Variants in ZC3H10 observed in about 807,000 individuals in gnomAD.
ZC3H10 encodes the protein zinc finger CCCH-type containing 10.
A neutral mutation model predicts 24.3 loss-of-function variants in ZC3H10; 12 were observed. The ratio of observed to expected loss-of-function variants is 0.49; its 90% CI spans 0.32 to 0.80. The LOEUF (loss-of-function observed/expected upper bound fraction) is 0.80, where lower values mean the gene tolerates loss of function less well. ZC3H10 is among the 30% of genes least tolerant of loss of function. The probability of loss-of-function intolerance (pLI) is 0.04; values close to 1 mark genes in which losing one functional copy is unlikely to be tolerated. For missense variants in ZC3H10, 360 were observed against 576.3 expected (o/e 0.62, Z 3.84); for synonymous variants, 226 against 217.0 (o/e 1.04, Z -0.36).
In ZC3H10 at chr12:56,121,736, G is replaced by T; in HGVS notation, c.1174G>T (p.Ala392Ser). The T allele has an allele frequency of 6.2e-7, 1 of 1,614,120 alleles. No individual in the cohort carries two copies. Among genetic ancestry groups the T allele is most frequent in the Non-Finnish European group, 8.5e-7 (1 of 1,180,008 alleles). ...CATGGCTCCTGTGGCTGTATCTGTG[G>T]CTCCTGTGGCCCCTGTGGCTGTATC... The part of the protein sequence containing the change: ...VSMAPVAVSV[A>S]PVAPVAVSMA... The change falls in exon 3 of 3, where the codon GCT (alanine) becomes TCT (serine). Residue 392 changes from alanine (A) to serine (S), a missense_variant. Coordinates refer to ENST00000257940, the MANE Select transcript of ZC3H10 (RefSeq NM_032786.3). This position sits in a 1 kb window ranked among gnomAD's most constrained non-coding sequence, Gnocchi z 6.2.
At chr12:56,118,968 T>C (rs2136853549) in intron 1 of ZC3H10, 120 bp from the exon 2 acceptor site, 1 of 152,818 alleles carries the variant, frequency 6.5e-6, no homozygotes, top group East Asian at 1.9e-4. Flanking sequence ...GTTTGAACCC[T>C]GAGGAAATCC....
rs1210434285 is a variant in ZC3H10, at chr12:56,126,616, T to A, written c.*4749T>A. On this transcript the variant is annotated 3_prime_UTR_variant, in exon 3 of 3. Transcript: ENST00000257940. The stretch of plus-strand genomic sequence containing the variant: ...TGCCTACTCCAGTGCTTGGCAAATT[T>A]CAGTTTATAGAGAGGTTTCTCTCTA... The A allele has an allele frequency of 6.6e-6, 1 of 152,142 alleles. No homozygotes were observed. Among genetic ancestry groups the A allele is most frequent in the African/African-American group, 2.4e-5 (1 of 41,408 alleles). 9.4% of individuals were successfully genotyped at this position (152,142 alleles called of 1,614,324 possible).
intron 2 of ZC3H10, 59 bp downstream of exon 2, chr12:56,119,210 G>A (rs1047047707): frequency 6.6e-6 from 1 of 152,614 alleles, no homozygotes; most frequent in East Asian, 1.9e-4. Context: ...TCTGCTGCTG[G>A]TGCGACTTGC....
At chr12:56,118,965 C>T (rs1869726027) in intron 1 of ZC3H10, 123 bp from the exon 2 acceptor site, 2 of 152,668 alleles carry the variant, frequency 1.3e-5, no homozygotes, top group African/African-American at 4.8e-5. Flanking sequence ...TCAGTTTGAA[C>T]CCTGAGGAAA....
intron 2 of ZC3H10, 170 bp from the exon 3 acceptor site, chr12:56,120,341 A>G (rs959532005): frequency 1.0e-6 from 1 of 985,316 alleles, no homozygotes; most frequent in African/African-American, 1.7e-5. Flanking sequence ...GACCAGGTGC[A>G]CAAAACCCTG....
rs1037608092 is a variant in ZC3H10, at chr12:56,126,630, G to C, written c.*4763G>C. 1.3e-5 allele frequency: 2 copies of C among 152,102 alleles called. No individual in the cohort carries two copies. Among genetic ancestry groups the C allele is most frequent in the African/African-American group, 4.8e-5 (2 of 41,386 alleles). 9.4% of individuals were successfully genotyped at this position (152,102 alleles called of 1,614,324 possible). A position where few individuals can be genotyped will look rare whatever the true frequency, so the allele number is the denominator to read the frequency against. ...CTTGGCAAATTTCAGTTTATAGAGA[G>C]GTTTCTCTCTAAGGTTCATCCATGT... On this transcript the variant is annotated 3_prime_UTR_variant, in exon 3 of 3. Transcript: ENST00000257940.
rs139617086 is a variant in ZC3H10, at chr12:56,121,445, C to G, written c.883C>G (p.Leu295Val). The G allele has an allele frequency of 6.2e-7, 1 of 1,610,654 alleles. No individual in the cohort carries two copies. The highest frequency in any genetic ancestry group is 8.5e-7 in the Non-Finnish European group (1 of 1,177,026). Residue 295 changes from leucine (L) to valine (V), a missense_variant, in exon 3 of 3, where the codon CTG becomes GTG. This residue lies in a region of ZC3H10 where 133 missense variants were observed against 256.7 expected (regional missense o/e 0.52). Coordinates refer to ENST00000257940, the MANE Select transcript of ZC3H10 (RefSeq NM_032786.3). The surrounding 1 kb of genome is among the most constrained non-coding windows in gnomAD (Gnocchi z 6.2). ...CACTGCACCAGCGACTGAGCAGACT[C>G]TGGCCCCCACTGTGGGCACTGTTGC... ...SSTAPATEQT[L>V]APTVGTVATF...
chr12:56,121,792 G>T lies in ZC3H10; in HGVS notation c.1230G>T (p.Met410Ile), dbSNP rs1372379404. Residue 410 changes from methionine to isoleucine, a missense_variant, in exon 3 of 3, where the codon ATG becomes ATT. Coordinates refer to ENST00000257940, the MANE Select transcript of ZC3H10 (RefSeq NM_032786.3). This position sits in a 1 kb window ranked among gnomAD's most constrained non-coding sequence, Gnocchi z 6.2. ...CCCAACCCTTGGCAGGAATCACAAT[G>T]AGCCACACCACCACTCCCATGGTGA... ...SMAQPLAGIT[M>I]SHTTTPMVTY... 1 of 1,614,162 alleles carries T rather than the reference G, an allele frequency of 6.2e-7. No individual in the cohort carries two copies. The highest frequency in any genetic ancestry group is 1.7e-5 in the Admixed American group (1 of 60,020).
intron 2 of ZC3H10, chr12:56,120,078 A>G (rs943099605): frequency 6.9e-5 from 24 of 345,390 alleles, no homozygotes; most frequent in Non-Finnish European, 9.0e-5. Flanking sequence ...GAGGAAAAGG[A>G]AAGGGGGTTA....
At chr12:56,119,782 G>C (rs773636989) in intron 2 of ZC3H10, 10 of 152,158 alleles carry the variant, frequency 6.6e-5, no homozygotes, top group African/African-American at 2.2e-4. Flanking sequence ...GAGTAGGAAG[G>C]GGGTGGGGAA....
intron 2 of ZC3H10, chr12:56,120,211 C>T: frequency 9.5e-7 from 1 of 1,056,556 alleles, no homozygotes; most frequent in Non-Finnish European, 1.1e-6. Flanking sequence ...AATTTCACTT[C>T]CACAACTTTA....
In ZC3H10 at chr12:56,121,808, C is replaced by A; in HGVS notation, c.1246C>A (p.Pro416Thr). ...AATCACAATGAGCCACACCACCACT[C>A]CCATGGTGACTTACCCTATCGCTTC... ...AGITMSHTTT[P>T]MVTYPIASQS... Residue 416 changes from proline to threonine, a missense_variant, in exon 3 of 3, where the codon CCC (proline) becomes ACC (threonine). Coordinates refer to ENST00000257940, the MANE Select transcript of ZC3H10 (RefSeq NM_032786.3). This position sits in a 1 kb window ranked among gnomAD's most constrained non-coding sequence, Gnocchi z 6.2. 6.2e-7 allele frequency: 1 copy of A among 1,614,142 alleles called. No homozygotes were observed. Among genetic ancestry groups the A allele is most frequent in the Non-Finnish European group, 8.5e-7 (1 of 1,180,000 alleles).
In ZC3H10 at chr12:56,126,236, T is replaced by C. The variant is rs2136862419; in HGVS notation, c.*4369T>C. 1 of 152,312 alleles carries C rather than the reference T, an allele frequency of 6.6e-6. No homozygotes were observed. The highest frequency in any genetic ancestry group is 1.9e-4 in the East Asian group (1 of 5,180). The allele number at this position is 152,312 out of a possible 1,614,324, so 9.4% of individuals were successfully genotyped here. On this transcript the variant is annotated 3_prime_UTR_variant, in exon 3 of 3. Transcript: ENST00000257940. Reference sequence around the variant, plus strand: ...TTATGGTTTACATATAAATGCAGATTGCAAGTCCAGGAAGTTTACTCTCTC... The same window carrying C: ...TTATGGTTTACATATAAATGCAGATCGCAAGTCCAGGAAGTTTACTCTCTC...
Position 56,121,192 on chromosome 12 carries a change from G to T in ZC3H10, c.630G>T (p.Arg210=), listed in dbSNP as rs1869811786. ...FEDHEPGPKR[R]RGGCCPPDGP... ...ACCATGAGCCAGGCCCAAAACGCCG[G>T]CGAGGTGGATGCTGCCCCCCTGATG... is the stretch of plus-strand genomic sequence containing the variant. Residue 210 remains arginine, a synonymous_variant, in exon 3 of 3, where the codon CGG becomes CGT. Transcript: ENST00000257940. The surrounding 1 kb of genome is among the most constrained non-coding windows in gnomAD (Gnocchi z 6.2). The T allele has an allele frequency of 2.5e-6, 4 of 1,614,094 alleles. No individual in the cohort carries two copies. The highest frequency in any genetic ancestry group is 3.4e-6 in the Non-Finnish European group (4 of 1,180,034).
rs1314335252 is a variant in ZC3H10 at position 56,125,102 on chromosome 12, G to A, written c.*3235G>A. 1.3e-5 allele frequency: 2 copies of A among 151,340 alleles called. No homozygotes were observed. Among genetic ancestry groups the A allele is most frequent in the African/African-American group, 4.9e-5 (2 of 40,918 alleles). The allele number at this position is 151,340 out of a possible 1,614,324, so 9.4% of individuals were successfully genotyped here. A position where few individuals can be genotyped will look rare whatever the true frequency, so the allele number is the denominator to read the frequency against. Reference sequence around the variant, plus strand: ...AAGAGGGCCATTGACAAACCAGTGTGTTGCTAGAAAAAAAAGGCTGGCAAG... The same window carrying A: ...AAGAGGGCCATTGACAAACCAGTGTATTGCTAGAAAAAAAAGGCTGGCAAG... On this transcript the variant is annotated 3_prime_UTR_variant, in exon 3 of 3. Transcript: ENST00000257940.
rs1311852128 is a variant in ZC3H10 at position 56,122,403 on chromosome 12, T to G, written c.*536T>G. The G allele has an allele frequency of 6.0e-6, 1 of 167,964 alleles. No individual in the cohort carries two copies. Among genetic ancestry groups the G allele is most frequent in the Non-Finnish European group, 1.5e-5 (1 of 68,852 alleles). 10.4% of individuals were successfully genotyped at this position (167,964 alleles called of 1,614,324 possible). ...GACCATAGTGCTCCAGCCCAAAGAC[T>G]AGGGGAGCATTCATTACCCTAGTTT... On this transcript the variant is annotated 3_prime_UTR_variant, in exon 3 of 3. Transcript: ENST00000257940.
Position 56,121,905 on chromosome 12 carries a change from G to C in ZC3H10, c.*38G>C, listed in dbSNP as rs1869855746. 1.3e-6 allele frequency: 2 copies of C among 1,547,674 alleles called. No individual in the cohort carries two copies. Among genetic ancestry groups the C allele is most frequent in the Non-Finnish European group, 1.7e-6 (2 of 1,144,272 alleles). ...ACACTCCCCTGGTATAGCCTCGCAGGGCTGGGGTCAGGGGGCCCTTGCCCA... is the reference window on the plus strand; with the variant it reads ...ACACTCCCCTGGTATAGCCTCGCAGCGCTGGGGTCAGGGGGCCCTTGCCCA... On this transcript the variant is annotated 3_prime_UTR_variant, in exon 3 of 3. Transcript: ENST00000257940. This position sits in a 1 kb window ranked among gnomAD's most constrained non-coding sequence, Gnocchi z 6.2.
rs1257720597 is a variant in ZC3H10 at position 56,123,392 on chromosome 12, C to T, written c.*1525C>T. 6.7e-6 allele frequency: 1 copy of T among 150,144 alleles called. No homozygotes were observed. The highest frequency in any genetic ancestry group is 2.4e-5 in the African/African-American group (1 of 40,888). The allele number at this position is 150,144 out of a possible 1,614,324, so 9.3% of individuals were successfully genotyped here. ...AACATTGTGGATTTTAGAAACAACA[C>T]ATTGATAAGCTTAATGTTTTTTGGG... On this transcript the variant is annotated 3_prime_UTR_variant, in exon 3 of 3. Coordinates refer to ENST00000257940, the MANE Select transcript of ZC3H10 (RefSeq NM_032786.3).
rs371576118 is a variant in ZC3H10, at chr12:56,121,510, C to A, written c.948C>A (p.Leu316=). ...GCATTGCCCAGACTCACACTACTCT[C>A]AGCAGCCAGGCTCTACAGCCTCGTC... ...NHGIAQTHTT[L]SSQALQPRPV... Residue 316 remains leucine, a synonymous_variant, in exon 3 of 3, where the codon CTC becomes CTA. Coordinates refer to ENST00000257940, the MANE Select transcript of ZC3H10 (RefSeq NM_032786.3). This position sits in a 1 kb window ranked among gnomAD's most constrained non-coding sequence, Gnocchi z 6.2. The A allele has an allele frequency of 5.6e-6, 9 of 1,613,714 alleles. No individual in the cohort carries two copies. Among genetic ancestry groups the A allele is most frequent in the Non-Finnish European group, 7.6e-6 (9 of 1,179,776 alleles).
Sources: gnomAD v4.1 joint callset for allele counts on GRCh38, gnomAD v4.1.1 for gene constraint, gnomAD v4.1.1 regional missense constraint, Gnocchi (gnomAD v3.1) non-coding constraint, MANE v1.5 for transcripts, NCBI Gene and HGNC (gene_info 2026-07-23, HGNC 2026-07-21) for gene names.